MASP1: variants seen among roughly 807,000 people sequenced by gnomAD.
MASP1 encodes the protein mannan-binding lectin serine protease 1.
MASP1 carries 59 observed loss-of-function variants against 77.1 expected under a neutral mutation model. The ratio of observed to expected loss-of-function variants is 0.77; its 90% CI spans 0.62 to 0.95. The LOEUF (loss-of-function observed/expected upper bound fraction) is 0.95, where lower values mean the gene tolerates loss of function less well. Among genes scored for constraint, MASP1 ranks in the 40% least tolerant of loss-of-function variants. MASP1 has a pLI of 0.00. For missense variants in MASP1, 885 were observed against 912.9 expected (o/e 0.97, Z 0.39); for synonymous variants, 362 against 354.5 (o/e 1.02, Z -0.24).
chr3:187,250,361 G>T (rs1393867347), intron 7 of MASP1, 32 bp from the exon 8 acceptor site: 2 of 1,521,332 alleles, frequency 1.3e-6, no homozygotes, highest in Middle Eastern at 1.7e-4. Context: ...GGAGTGGGAA[G>T]AAGGAGGTGG....
chr3:187,262,137 T>C (rs972989776), intron 3 of MASP1, among the ~76,000 whole-genome samples: 3 of 152,190 alleles, frequency 2.0e-5, no homozygotes, highest in African/African-American at 7.2e-5. Flanking sequence ...TAAAGTTCAG[T>C]GTCTTGTTAG....
intron 2 of MASP1, 100 bp from the exon 3 acceptor site, chr3:187,262,820 G>A: frequency 9.4e-7 from 1 of 1,066,816 alleles, no homozygotes; most frequent in Non-Finnish European, 1.4e-6. Flanking sequence ...CCAAGAGTAG[G>A]CTAGTCAGCC....
At position 187,235,162 on chromosome 3, in the gene MASP1, T is replaced by G; in HGVS notation, c.*522A>C. 1.6e-6 allele frequency: 2 copies of G among 1,287,592 alleles called. No individual in the cohort carries two copies. Among genetic ancestry groups the G allele is most frequent in the Non-Finnish European group, 2.0e-6 (2 of 988,964 alleles). 79.8% of individuals were successfully genotyped at this position (1,287,592 alleles called of 1,614,324 possible). A position where few individuals can be genotyped will look rare whatever the true frequency, so the allele number is the denominator to read the frequency against. ...GAGAGAGGGGCTTGGCTATGAGCCA[T>G]CTCCCAAAACCTGAATGCTCTTCTC... On this transcript the variant is annotated 3_prime_UTR_variant, in exon 11 of 11. Coordinates refer to ENST00000296280, the MANE Select transcript of MASP1 (RefSeq NM_139125.4).
At chr3:187,268,622 T>C (rs1716256990) in intron 2 of MASP1, among the ~76,000 whole-genome samples, 1 of 152,150 alleles carries the variant, frequency 6.6e-6, no homozygotes, top group South Asian at 2.1e-4. Flanking sequence ...AGGAGATCTC[T>C]AGACAGAATG....
At position 187,226,405 on chromosome 3, in the gene MASP1, A is replaced by G. The variant is rs1560230454; in HGVS notation, c.1555+2T>C. ...GAGTCAGCTTGCCCCTCACTCACTCACCCAGGATGATTTTGAAGTCAGAAG... is the reference window on the plus strand; with the variant it reads ...GAGTCAGCTTGCCCCTCACTCACTCGCCCAGGATGATTTTGAAGTCAGAAG... On this transcript the variant is annotated splice_donor_variant, in intron 12 of 15. Transcript: ENST00000337774. LOFTEE classifies it high-confidence loss of function. 1.2e-6 allele frequency: 2 copies of G among 1,602,966 alleles called. No homozygotes were observed. The highest frequency in any genetic ancestry group is 2.3e-5 in the South Asian group (2 of 88,778).
At chr3:187,257,787 C>T (rs924693436) in intron 4 of MASP1, among the ~76,000 whole-genome samples, 9 of 152,152 alleles carry the variant, frequency 5.9e-5, no homozygotes, top group Admixed American at 2.6e-4. Context: ...TTACTGTAAA[C>T]TAAAAATAAA....
intron 2 of MASP1, among the ~76,000 whole-genome samples, chr3:187,279,282 A>G (rs754229324): frequency 1.3e-5 from 2 of 152,226 alleles, no homozygotes; most frequent in Admixed American, 6.5e-5. Flanking sequence ...AAGCATTAGC[A>G]TGGGGGAGCT....
At chr3:187,255,132 T>G (rs767283132) in intron 5 of MASP1, among the ~76,000 whole-genome samples, 1 of 152,210 alleles carries the variant, frequency 6.6e-6, no homozygotes, top group Non-Finnish European at 1.5e-5. Flanking sequence ...AGGGAGATTA[T>G]CTGGGTGGGC....
Position 187,226,538 on chromosome 3 carries a change from C to T in MASP1, c.1442-18G>A, listed in dbSNP as rs72549286. 3,833 of 1,551,708 alleles carry T rather than the reference C, an allele frequency of 2.5e-3. 68 individuals carry two copies. In the African/African-American group the frequency reaches 0.042, roughly 17 times the overall value. Reference sequence around the variant, plus strand: ...GCTGGAGCCTGGGGAACAGAACACACGTCTCATCGTCCTGCACTACTGGGT... The same window carrying T: ...GCTGGAGCCTGGGGAACAGAACACATGTCTCATCGTCCTGCACTACTGGGT... On this transcript the variant is annotated intron_variant, in intron 11 of 15. Coordinates refer to the MASP1 transcript ENST00000337774.
intron 8 of MASP1, chr3:187,246,590 C>G (rs1411829936): frequency 1.0e-6 from 1 of 985,524 alleles, no homozygotes; most frequent in East Asian, 1.1e-4. Flanking sequence ...CCAGCTGCCA[C>G]TCCCCAGCCC....
chr3:187,225,734 G>A (rs997797056), intron 12 of MASP1, among the ~76,000 whole-genome samples: 2 of 152,100 alleles, frequency 1.3e-5, no homozygotes, highest in Non-Finnish European at 2.9e-5. Context: ...CTGTTGCCTT[G>A]TAATGCTTGT....
intron 2 of MASP1, among the ~76,000 whole-genome samples, chr3:187,280,903 C>T (rs1486744897): frequency 1.3e-5 from 2 of 152,172 alleles, no homozygotes; most frequent in African/African-American, 4.8e-5. Context: ...CTTAGATGCA[C>T]AGAACATCAA....
At chr3:187,230,975 T>A (rs13088267), downstream of MASP1, among the ~76,000 whole-genome samples, 41,850 of 152,134 alleles carry the variant, frequency 0.28, 6,491 homozygotes, top group East Asian at 0.67. Flanking sequence ...GGCTGGAGAA[T>A]ATCACAGATA....
intron 1 of MASP1, among the ~76,000 whole-genome samples, chr3:187,287,188 T>C (rs541230279): frequency 6.6e-6 from 1 of 152,318 alleles, no homozygotes; most frequent in East Asian, 1.9e-4. Context: ...AAGCGTCTGC[T>C]CCTGGGATGG....
chr3:187,288,571 T>C (rs964377844), intron 1 of MASP1, among the ~76,000 whole-genome samples: 31 of 152,244 alleles, frequency 2.0e-4, no homozygotes, highest in African/African-American at 6.8e-4. Flanking sequence ...GGGAAGTATT[T>C]TGTTAACTGT....
At chr3:187,252,881 G>T (rs1340723206) in intron 6 of MASP1, among the ~76,000 whole-genome samples, 1 of 152,224 alleles carries the variant, frequency 6.6e-6, no homozygotes, top group Non-Finnish European at 1.5e-5. Context: ...GAGGGGTAGA[G>T]TTCAGGAAAC....
chr3:187,224,479 T>C (rs962191557), intron 13 of MASP1, among the ~76,000 whole-genome samples: 1 of 150,508 alleles, frequency 6.6e-6, no homozygotes, highest in Non-Finnish European at 1.5e-5. Context: ...CCCAAGTAGC[T>C]GGGACTACAG....
In MASP1 at chr3:187,235,740, C is replaced by G. The variant is rs1428408358; in HGVS notation, c.2131G>C (p.Val711Leu). The G allele has an allele frequency of 6.2e-7, 1 of 1,614,196 alleles. No homozygotes were observed. Among genetic ancestry groups the G allele is most frequent in the Non-Finnish European group, 8.5e-7 (1 of 1,180,032 alleles). Residue 711 changes from valine (V) to leucine (L), a missense_variant, in exon 11 of 11, where the codon GTG becomes CTG. Transcript: ENST00000296280. ...YTKVSNYVDW[V>L]WEQMGLPQSV... Reference sequence around the variant, plus strand: ...TGTGGTAAGCCCATCTGCTCCCACACCCAGTCCACGTAATTGGAGACCTTT... The same window carrying G: ...TGTGGTAAGCCCATCTGCTCCCACAGCCAGTCCACGTAATTGGAGACCTTT...
chr3:187,282,568 T>C (rs4376034), intron 2 of MASP1, among the ~76,000 whole-genome samples: 43,474 of 151,006 alleles, frequency 0.29, 6,811 homozygotes, highest in Admixed American at 0.39. Flanking sequence ...CAACTTAAGA[T>C]GAGATGCGTC....
Sources: gnomAD v4.1 joint callset for allele counts (sites outside exome capture counted in the v4.1 genomes callset) on GRCh38, gnomAD v4.1.1 for gene constraint, MANE v1.5 for transcripts, NCBI Gene and HGNC (gene_info 2026-07-23, HGNC 2026-07-21) for gene names.